The following FNDC3A variants were observed in gnomAD, a reference collection of about 807,000 sequenced individuals.
The protein encoded by FNDC3A is fibronectin type III domain containing 3A, also known as fibronectin type-III domain-containing protein 3A.
In FNDC3A, 32 loss-of-function variants were observed where a neutral mutation model predicts 148.9. That is an observed-to-expected ratio of 0.21 (90% CI 0.16 to 0.29). FNDC3A has a LOEUF of 0.29. Among genes scored for constraint, FNDC3A ranks in the 10% least tolerant of loss-of-function variants. FNDC3A has a pLI of 1.00. For missense variants in FNDC3A, 1,191 were observed against 1,452.8 expected (o/e 0.82, Z 2.93); for synonymous variants, 472 against 473.6 (o/e 1.00, Z 0.04).
At chr13:49,131,524 T>C in intron 5 of FNDC3A, 150 bp downstream of exon 5, 1 of 650,614 alleles carries the variant, frequency 1.5e-6, no homozygotes, top group Non-Finnish European at 2.7e-6. Context: ...TATTAGGTGC[T>C]TCATCCTCAT....
At chr13:49,125,150 T>C (rs140591976) in intron 4 of FNDC3A, among the ~76,000 whole-genome samples, 98 of 152,332 alleles carry the variant, frequency 6.4e-4, no homozygotes, top group African/African-American at 2.0e-3. Context: ...TTCATTTTGC[T>C]TTTATGATGG....
chr13:48,992,759 A>G (rs1951945741), intron 1 of FNDC3A, among the ~76,000 whole-genome samples: 1 of 152,152 alleles, frequency 6.6e-6, no homozygotes, highest in Non-Finnish European at 1.5e-5. Context: ...TAGTTGACAC[A>G]TTGTATTAGG....
chr13:49,136,851 G>C (rs1033074676), intron 6 of FNDC3A, among the ~76,000 whole-genome samples: 1 of 151,722 alleles, frequency 6.6e-6, no homozygotes, highest in African/African-American at 2.4e-5. Flanking sequence ...GATTCTGGGC[G>C]TTTGATAAGG....
chr13:49,016,612 T>C (rs1350090949), intron 2 of FNDC3A, among the ~76,000 whole-genome samples: 1 of 151,974 alleles, frequency 6.6e-6, no homozygotes, highest in African/African-American at 2.4e-5. Context: ...TCAGTTCTGC[T>C]CTGATTTTAG....
chr13:49,114,695 G>C lies in FNDC3A; in HGVS notation c.216G>C (p.Val72=), dbSNP rs150397902. The part of the protein sequence containing the change: ...QVPMMSPNGS[V]PPIYVPPGYA... ...CAATGATGTCCCCAAATGGTTCTGT[G>C]CCTCCTATCTATGTGCCTCCTGGAT... Residue 72 remains valine, a synonymous_variant, in exon 4 of 26, where the codon GTG becomes GTC. Coordinates refer to ENST00000492622, the MANE Select transcript of FNDC3A (RefSeq NM_001079673.2). 1.2e-6 allele frequency: 2 copies of C among 1,613,152 alleles called. No individual in the cohort carries two copies. The highest frequency in any genetic ancestry group is 1.7e-6 in the Non-Finnish European group (2 of 1,179,356).
chr13:49,187,017 ATTT>A, intron 15 of FNDC3A, 102 bp from the exon 16 acceptor site: 3 of 573,076 alleles, frequency 5.2e-6, no homozygotes, highest in South Asian at 2.7e-5. Context: ...ATTGCAGGTG[ATTT>A]TTTTTTTTTA....
chr13:49,002,105 A>G (rs1442845630), intron 1 of FNDC3A, among the ~76,000 whole-genome samples: 1 of 152,152 alleles, frequency 6.6e-6, no homozygotes. Flanking sequence ...GAAAATAGAA[A>G]AGAACCTACG....
chr13:49,144,105 C>T (rs952471532), intron 7 of FNDC3A, among the ~76,000 whole-genome samples: 3 of 151,642 alleles, frequency 2.0e-5, no homozygotes, highest in Admixed American at 6.6e-5. Flanking sequence ...GTCCTATTCA[C>T]GTTCTCAAAG....
chr13:49,198,662 T>C (rs1886276024), intron 23 of FNDC3A, 88 bp downstream of exon 23: 1 of 1,061,216 alleles, frequency 9.4e-7, no homozygotes, highest in Admixed American at 2.0e-5. Context: ...CCAGGTGTGG[T>C]GGCTGACACC....
intron 2 of FNDC3A, among the ~76,000 whole-genome samples, chr13:49,048,300 AT>A (rs577736505): frequency 1.3e-5 from 2 of 150,582 alleles, no homozygotes. Flanking sequence ...GAATTTTAGG[AT>A]TTTTTTTTAA....
intron 1 of FNDC3A, among the ~76,000 whole-genome samples, chr13:48,997,007 G>A (rs1248175848): frequency 2.6e-5 from 4 of 151,900 alleles, no homozygotes; most frequent in East Asian, 1.9e-4. Context: ...AGGCTGCAGC[G>A]GGCGGAGATC....
At chr13:48,997,028 A>T (rs1593450525) in intron 1 of FNDC3A, among the ~76,000 whole-genome samples, 1 of 151,144 alleles carries the variant, frequency 6.6e-6, no homozygotes. Context: ...GCACCATTGC[A>T]CTCCAGCTTG....
chr13:49,013,573 T>C (rs144492137), intron 2 of FNDC3A, among the ~76,000 whole-genome samples: 122 of 151,826 alleles, frequency 8.0e-4, no homozygotes, highest in South Asian at 7.5e-3. Flanking sequence ...CGTGTATACA[T>C]GTACATGTGT....
intron 14 of FNDC3A, among the ~76,000 whole-genome samples, chr13:49,182,716 C>T (rs749914934): frequency 7.2e-5 from 11 of 152,092 alleles, no homozygotes; most frequent in Non-Finnish European, 1.2e-4. Flanking sequence ...CCGTTAACTA[C>T]TTTTATGTTC....
At chr13:49,073,799 T>C (rs995994183) in intron 2 of FNDC3A, among the ~76,000 whole-genome samples, 1 of 146,576 alleles carries the variant, frequency 6.8e-6, no homozygotes, top group African/African-American at 2.5e-5. Context: ...ATTATATATA[T>C]GTATATATAT....
At chr13:49,041,421 G>A (rs1353488378) in intron 2 of FNDC3A, among the ~76,000 whole-genome samples, 2 of 152,162 alleles carry the variant, frequency 1.3e-5, no homozygotes, top group Non-Finnish European at 2.9e-5. Flanking sequence ...CACGTTACAA[G>A]ACCTTAGTAA....
At chr13:49,079,336 A>G (rs1413773717) in intron 3 of FNDC3A, among the ~76,000 whole-genome samples, 2 of 152,212 alleles carry the variant, frequency 1.3e-5, no homozygotes, top group Admixed American at 6.5e-5. Flanking sequence ...GGGGAAAAAA[A>G]GGGAAAATTA....
intron 8 of FNDC3A, among the ~76,000 whole-genome samples, chr13:49,150,015 G>C (rs998338079): frequency 1.3e-5 from 2 of 152,094 alleles, no homozygotes; most frequent in African/African-American, 4.8e-5. Flanking sequence ...TGTGTTATCA[G>C]TTGTAGTGTC....
intron 1 of FNDC3A, among the ~76,000 whole-genome samples, chr13:49,003,561 AT>A (rs934635684): frequency 1.3e-5 from 2 of 152,132 alleles, no homozygotes; most frequent in East Asian, 1.9e-4. Context: ...AATCCAGTAT[AT>A]TTTTTTGTTT....
Sources: allele counts gnomAD v4.1 joint callset (sites outside exome capture counted in the v4.1 genomes callset), GRCh38; gene constraint gnomAD v4.1.1; transcripts MANE v1.5; gene names NCBI Gene and HGNC (gene_info 2026-07-23, HGNC 2026-07-21).